The following NUP210 variants were observed in gnomAD, a reference collection of about 807,000 sequenced individuals.
NUP210 encodes nuclear pore membrane glycoprotein 210.
In NUP210, 151 loss-of-function variants were observed where a neutral mutation model predicts 196.0. The observed-to-expected ratio is 0.77, with a 90% CI of 0.67 to 0.88. The LOEUF is 0.88. Among genes scored for constraint, NUP210 ranks in the 40% least tolerant of loss-of-function variants. The pLI is 0.00. For missense variants in NUP210, 2,314 were observed against 2,493.7 expected (o/e 0.93, Z 1.53); for synonymous variants, 1,070 against 1,052.7 (o/e 1.02, Z -0.32).
At chr3:13,330,839 C>T (rs1396978198) in intron 29 of NUP210, among the ~76,000 whole-genome samples, 1 of 152,198 alleles carries the variant, frequency 6.6e-6, no homozygotes, top group Non-Finnish European at 1.5e-5. Context: ...ATTCAGAAAT[C>T]CAATGGTTCC....
At chr3:13,341,713 C>G (rs772010334) in intron 23 of NUP210, 35 bp downstream of exon 23, 2 of 1,612,074 alleles carry the variant, frequency 1.2e-6, no homozygotes, top group South Asian at 2.2e-5. Flanking sequence ...CAGCACTGGG[C>G]TGATCCCACA....
Position 13,317,793 on chromosome 3 carries a change from A to G in NUP210, c.5564-12T>C. 1 of 1,583,238 alleles carries G rather than the reference A, an allele frequency of 6.3e-7. No homozygotes were observed. Among genetic ancestry groups the G allele is most frequent in the Non-Finnish European group, 8.6e-7 (1 of 1,157,748 alleles). On this transcript the variant is annotated splice_polypyrimidine_tract_variant and intron_variant, in intron 39 of 39. Transcript: ENST00000254508. ...TGAGGCAGCGAAATCTAGGGTGGGA[A>G]GAGAGACGATGTTAGCAGCAGAGCC...
At position 13,343,318 on chromosome 3, in the gene NUP210, C is replaced by T. The variant is rs368117678; in HGVS notation, c.2836-15G>A. ...AAAGGGTGCACCTGCAAGGTTGGGG[C>T]GGAGGTGGAGGGGTGGGTGGTGGGT... On this transcript the variant is annotated splice_polypyrimidine_tract_variant and intron_variant, in intron 20 of 39. Transcript: ENST00000254508. 1.8e-4 allele frequency: 36 copies of T among 199,266 alleles called. No individual in the cohort carries two copies. The highest frequency in any genetic ancestry group is 4.3e-4 in the South Asian group (11 of 25,674). The allele number at this position is 199,266 out of a possible 1,614,324, so 12.3% of individuals were successfully genotyped here.
intron 1 of NUP210, among the ~76,000 whole-genome samples, chr3:13,405,377 G>C (rs1699972005): frequency 6.6e-6 from 1 of 152,128 alleles, no homozygotes; most frequent in Non-Finnish European, 1.5e-5. Flanking sequence ...CTGGCCTTCA[G>C]ACTAAAACTA....
chr3:13,381,234 T>C (rs1277900814), intron 6 of NUP210, among the ~76,000 whole-genome samples: 2 of 152,222 alleles, frequency 1.3e-5, no homozygotes, highest in African/African-American at 4.8e-5. Context: ...AAGCACTAGC[T>C]TCCTCCCTTG....
chr3:13,340,943 T>A lies in NUP210; in HGVS notation c.3229-645A>T, dbSNP rs551668011. Reference sequence around the variant, plus strand: ...CCAGGGTGCTACTTGTGTGGGAGTATCGGTCTCTGTAGCTGTGCTATTGAT... The same window carrying A: ...CCAGGGTGCTACTTGTGTGGGAGTAACGGTCTCTGTAGCTGTGCTATTGAT... On this transcript the variant is annotated intron_variant, in intron 23 of 39. Coordinates refer to ENST00000254508, the MANE Select transcript of NUP210 (RefSeq NM_024923.4). This position sits in a 1 kb window ranked among gnomAD's most constrained non-coding sequence, Gnocchi z 4.0. 6.6e-6 allele frequency: 1 copy of A among 152,426 alleles called. No homozygotes were observed. Among genetic ancestry groups the A allele is most frequent in the African/African-American group, 2.4e-5 (1 of 41,518 alleles). The allele number at this position is 152,426 out of a possible 1,614,324, so 9.4% of individuals were successfully genotyped here. A position where few individuals can be genotyped will look rare whatever the true frequency, so the allele number is the denominator to read the frequency against.
rs148479198 is a variant in NUP210, at chr3:13,330,344, G to T, written c.4110+116C>A. On this transcript the variant is annotated intron_variant, in intron 30 of 39. Transcript: ENST00000254508. ...CCTTTGCCCCTGAGTTACTCTAAATGCCTGTCTACAGTTTCTTAGCTGGAA... is the reference window on the plus strand; with the variant it reads ...CCTTTGCCCCTGAGTTACTCTAAATTCCTGTCTACAGTTTCTTAGCTGGAA... The T allele has an allele frequency of 1.6e-4, 153 of 980,986 alleles. 1 individual carries two copies. The African/African-American group carries it at 2.3e-3, about 15-fold the overall frequency. The allele number at this position is 980,986 out of a possible 1,614,324, so 60.8% of individuals were successfully genotyped here.
chr3:13,414,339 C>G (rs1360478145), intron 1 of NUP210, among the ~76,000 whole-genome samples: 1 of 152,236 alleles, frequency 6.6e-6, no homozygotes, highest in Non-Finnish European at 1.5e-5. Flanking sequence ...AAGAAAATCA[C>G]CCAAGGCCCA....
intron 1 of NUP210, among the ~76,000 whole-genome samples, chr3:13,411,887 C>T (rs1700185316): frequency 6.6e-6 from 1 of 152,160 alleles, no homozygotes; most frequent in Admixed American, 6.5e-5. Context: ...ATTATAAGCG[C>T]CCAGCACCAC....
rs1697800932 is a variant in NUP210 at position 13,347,675 on chromosome 3, T to C, written c.2835+4204A>G. 6.6e-6 allele frequency among the ~76,000 whole-genome samples: 1 copy of C among 152,318 alleles called. No homozygotes were observed. Among genetic ancestry groups the C allele is most frequent in the African/African-American group, 2.4e-5 (1 of 41,580 alleles). ...ACAGGAAGGAAAGAAACCCTTTCTC[T>C]GAGCTAACTGGGGAGCGCTGGGGGC... On this transcript the variant is annotated intron_variant, in intron 20 of 39. Coordinates refer to ENST00000254508, the MANE Select transcript of NUP210 (RefSeq NM_024923.4). This position sits in a 1 kb window ranked among gnomAD's most constrained non-coding sequence, Gnocchi z 4.7.
Position 13,323,261 on chromosome 3 carries a change from C to G in NUP210, c.4768+48G>C. ...ATCCAGAGGACACAGGAAGCCACCTCCCCGCTCCCAGGTACTCTGAAGACA... is the reference window on the plus strand; with the variant it reads ...ATCCAGAGGACACAGGAAGCCACCTGCCCGCTCCCAGGTACTCTGAAGACA... On this transcript the variant is annotated intron_variant, in intron 34 of 39. Transcript: ENST00000254508. This position sits in a 1 kb window ranked among gnomAD's most constrained non-coding sequence, Gnocchi z 4.3. 1 of 1,610,272 alleles carries G rather than the reference C, an allele frequency of 6.2e-7. No individual in the cohort carries two copies. Among genetic ancestry groups the G allele is most frequent in the Non-Finnish European group, 8.5e-7 (1 of 1,177,676 alleles).
chr3:13,357,854 C>T (rs994324274), intron 16 of NUP210, among the ~76,000 whole-genome samples: 16 of 152,340 alleles, frequency 1.1e-4, no homozygotes, highest in Non-Finnish European at 2.1e-4. Flanking sequence ...TCTGACCCTA[C>T]ATACCCTGTC....
At position 13,330,488 on chromosome 3, in the gene NUP210, G is replaced by C. The variant is rs748161453; in HGVS notation, c.4082C>G (p.Ala1361Gly). Residue 1361 changes from alanine to glycine, a missense_variant, in exon 30 of 40, where the codon GCC becomes GGC. Coordinates refer to ENST00000254508, the MANE Select transcript of NUP210 (RefSeq NM_024923.4). ...IEVIAQEPFG[A>G]NQTIIVAVKV... ...TACAGCAACAATGATGGTTTGGTTG[G>C]CCCCAAAGGGCTCTTGTGCAATCAC... is the stretch of plus-strand genomic sequence containing the variant. The C allele has an allele frequency of 1.2e-6, 2 of 1,614,114 alleles. No individual in the cohort carries two copies. Among genetic ancestry groups the C allele is most frequent in the South Asian group, 2.2e-5 (2 of 91,046 alleles).
rs138255068 is a variant in NUP210, at chr3:13,357,644, C to T, written c.2328+578G>A. Among the ~76,000 whole-genome samples the T allele has an allele frequency of 3.6e-3, 551 of 152,248 alleles. 3 individuals are homozygous for T. The highest frequency in any genetic ancestry group is 0.016 in the Admixed American group (238 of 15,302). ...CACTCAGCACCTTGGGCTCTGAATG[C>T]CCTAGGGACTAAGGCATGGATGTGT... is the stretch of plus-strand genomic sequence containing the variant. On this transcript the variant is annotated intron_variant, in intron 16 of 39. Transcript: ENST00000254508.
intron 18 of NUP210, among the ~76,000 whole-genome samples, chr3:13,352,964 C>T (rs1698032740): frequency 6.6e-6 from 1 of 151,976 alleles, no homozygotes; most frequent in Non-Finnish European, 1.5e-5. Context: ...AGTGCAAAGT[C>T]ATGGGGATAA....
At chr3:13,380,495 GC>G (rs1247686338) in intron 6 of NUP210, among the ~76,000 whole-genome samples, 1 of 152,188 alleles carries the variant, frequency 6.6e-6, no homozygotes, top group African/African-American at 2.4e-5. Context: ...AAGATGAGCA[GC>G]CTGCTCACCA....
At chr3:13,370,466 G>C (rs1698693209) in intron 13 of NUP210, among the ~76,000 whole-genome samples, 1 of 152,196 alleles carries the variant, frequency 6.6e-6, no homozygotes, top group Non-Finnish European at 1.5e-5. Context: ...GAGTGGCTCA[G>C]ACCCAGGCCT....
At chr3:13,352,002 A>T (rs2124878540) in intron 19 of NUP210, 22 bp from the exon 20 acceptor site, 2 of 1,607,594 alleles carry the variant, frequency 1.2e-6, no homozygotes, top group South Asian at 2.2e-5. Flanking sequence ...AGATGCAGGG[A>T]GGGTTGGGCC....
chr3:13,416,427 G>C (rs1361090639), intron 1 of NUP210, among the ~76,000 whole-genome samples: 1 of 152,188 alleles, frequency 6.6e-6, no homozygotes, highest in Non-Finnish European at 1.5e-5. Flanking sequence ...CCTTCCCCAG[G>C]GGAACCAATG....
Sources: allele counts gnomAD v4.1 joint callset (sites outside exome capture counted in the v4.1 genomes callset), GRCh38; gene constraint gnomAD v4.1.1; non-coding constraint Gnocchi (gnomAD v3.1); transcripts MANE v1.5; gene names NCBI Gene and HGNC (gene_info 2026-07-23, HGNC 2026-07-21).